The following NAPA variants were observed in gnomAD, a reference collection of about 807,000 sequenced individuals.
The protein encoded by NAPA is NSF attachment protein alpha, also known as alpha-soluble NSF attachment protein.
In NAPA, 18 loss-of-function variants were observed where a neutral mutation model predicts 48.0. The ratio of observed to expected loss-of-function variants is 0.38; its 90% CI spans 0.26 to 0.56. The LOEUF (loss-of-function observed/expected upper bound fraction) is 0.56. Among genes scored for constraint, NAPA ranks in the 20% least tolerant of loss-of-function variants. The pLI is 0.77. For synonymous variants in NAPA, 152 were observed against 149.9 expected, an observed-to-expected ratio of 1.01 and a Z score of -0.10; for missense variants, 315 against 385.0, an observed-to-expected ratio of 0.82 and a Z score of 1.52.
At chr19:47,513,963 C>T (rs1376801236) in intron 1 of NAPA, among the ~76,000 whole-genome samples, 1 of 150,842 alleles carries the variant, frequency 6.6e-6, no homozygotes, top group African/African-American at 2.4e-5. Context: ...ATTCTCCTGC[C>T]CCAGCCTCCC....
intron 1 of NAPA, among the ~76,000 whole-genome samples, chr19:47,503,997 C>T (rs2122766277): frequency 6.6e-6 from 1 of 152,284 alleles, no homozygotes; most frequent in Admixed American, 6.5e-5. Context: ...TGTGTCATTA[C>T]CAGCTCAGGA....
chr19:47,515,048 C>A lies in NAPA; in HGVS notation c.-108G>T. On this transcript the variant is annotated 5_prime_UTR_variant, in exon 1 of 11. Transcript: ENST00000263354. Reference sequence around the variant, plus strand: ...GGTAAAACTCGCCCGGCTGCGTTGACGTCGCACCGGCGCGCGTCGCTTGCG... The same window carrying A: ...GGTAAAACTCGCCCGGCTGCGTTGAAGTCGCACCGGCGCGCGTCGCTTGCG... 1.8e-6 allele frequency: 2 copies of A among 1,142,214 alleles called. No homozygotes were observed. Among genetic ancestry groups the A allele is most frequent in the Admixed American group, 2.4e-5 (1 of 40,950 alleles). The allele number at this position is 1,142,214 out of a possible 1,614,324, so 70.8% of individuals were successfully genotyped here. A position where few individuals can be genotyped will look rare whatever the true frequency, so the allele number is the denominator to read the frequency against.
Position 47,487,743 on chromosome 19 carries a change from G to C in NAPA, c.*545C>G, listed in dbSNP as rs1294335559. ...GGAGCAGGTGTGGGGCTGGGGTGGG[G>C]AGAATCCCCTAAGCTCCAGGGCCCA... On this transcript the variant is annotated 3_prime_UTR_variant, in exon 11 of 11. Coordinates refer to ENST00000263354, the MANE Select transcript of NAPA (RefSeq NM_003827.4). The C allele has an allele frequency of 6.6e-6, 1 of 152,230 alleles. No individual in the cohort carries two copies. The highest frequency in any genetic ancestry group is 1.5e-5 in the Non-Finnish European group (1 of 68,134). 9.4% of individuals were successfully genotyped at this position (152,230 alleles called of 1,614,324 possible).
At chr19:47,514,777 C>T in intron 1 of NAPA, 66 bp downstream of exon 1, 1 of 1,506,238 alleles carries the variant, frequency 6.6e-7, no homozygotes, top group Non-Finnish European at 9.1e-7. Context: ...TAACCCGCCA[C>T]CTCCGAGCGT....
intron 1 of NAPA, among the ~76,000 whole-genome samples, chr19:47,514,433 G>A (rs1031405782): frequency 6.6e-6 from 1 of 151,966 alleles, no homozygotes; most frequent in African/African-American, 2.4e-5. Flanking sequence ...CTAGAGCTCC[G>A]AAAAGCCTCT....
intron 2 of NAPA, 113 bp from the exon 3 acceptor site, chr19:47,500,862 C>T (rs1968560267): frequency 1.3e-6 from 1 of 758,034 alleles, no homozygotes; most frequent in African/African-American, 1.8e-5. Flanking sequence ...GGAAAGAGTC[C>T]CCAAGACAGG....
rs1273791127 is a variant in NAPA, at chr19:47,493,053, GGGA to G, written c.477-11_477-9del. ...AGACACTTGTTGGCTGAGCTGTGTG[GGGA>G]GGAGTAGTGAGGGGAAGTGGTGGCG... On this transcript the variant is annotated splice_polypyrimidine_tract_variant and intron_variant, in intron 6 of 10. Coordinates refer to ENST00000263354, the MANE Select transcript of NAPA (RefSeq NM_003827.4). This position sits in a 1 kb window ranked among gnomAD's most constrained non-coding sequence, Gnocchi z 6.4. 17 of 1,614,072 alleles carry G rather than the reference GGGA, an allele frequency of 1.1e-5. No individual in the cohort carries two copies. Among genetic ancestry groups the G allele is most frequent in the Non-Finnish European group, 1.4e-5 (16 of 1,180,030 alleles).
At chr19:47,513,460 C>T (rs1326329970) in intron 1 of NAPA, among the ~76,000 whole-genome samples, 1 of 152,208 alleles carries the variant, frequency 6.6e-6, no homozygotes, top group Non-Finnish European at 1.5e-5. Flanking sequence ...TTTGTGATCT[C>T]CTTTAGCAGG....
chr19:47,497,718 G>A (rs1270471841), intron 3 of NAPA, among the ~76,000 whole-genome samples: 9 of 152,248 alleles, frequency 5.9e-5, no homozygotes, highest in African/African-American at 1.9e-4. Flanking sequence ...TGACTTCTGC[G>A]TCTCTGAAGC....
chr19:47,491,866 G>T, intron 8 of NAPA, 149 bp downstream of exon 8: 1 of 702,914 alleles, frequency 1.4e-6, no homozygotes. Flanking sequence ...AAACACAGCT[G>T]TGAGAACCAC....
At chr19:47,514,212 AC>A (rs1968861375) in intron 1 of NAPA, among the ~76,000 whole-genome samples, 1 of 149,700 alleles carries the variant, frequency 6.7e-6, no homozygotes, top group African/African-American at 2.5e-5. Flanking sequence ...CACCCCATGC[AC>A]CCCCCACACT....
chr19:47,495,747 G>A, intron 3 of NAPA, 151 bp from the exon 4 acceptor site: 1 of 707,178 alleles, frequency 1.4e-6, no homozygotes, highest in Non-Finnish European at 2.5e-6. Context: ...ACTCTCAAGG[G>A]GCTGGGAAGA....
chr19:47,513,477 A>C (rs1968843219), intron 1 of NAPA, among the ~76,000 whole-genome samples: 1 of 152,238 alleles, frequency 6.6e-6, no homozygotes, highest in African/African-American at 2.4e-5. Flanking sequence ...CAGGGAGACT[A>C]AACAATTTAC....
At chr19:47,492,363 C>T (rs568551762) in intron 7 of NAPA, 8 of 511,030 alleles carry the variant, frequency 1.6e-5, no homozygotes, top group African/African-American at 1.1e-4. Flanking sequence ...GCCAGGTGTT[C>T]GTGGGCCTTC....
intron 1 of NAPA, among the ~76,000 whole-genome samples, chr19:47,505,052 C>T (rs541227724): frequency 5.1e-4 from 77 of 152,232 alleles, no homozygotes; most frequent in African/African-American, 1.7e-3. Flanking sequence ...ACCTCAAACC[C>T]GTAAGTCCCA....
chr19:47,490,364 G>GGT (rs959539150), intron 9 of NAPA, among the ~76,000 whole-genome samples: 1 of 147,166 alleles, frequency 6.8e-6, no homozygotes, highest in African/African-American at 2.5e-5. Flanking sequence ...TGCTGTGTGT[G>GGT]GTGTGTGTGT....
At chr19:47,486,050 G>C (rs1968065962), downstream of NAPA, among the ~76,000 whole-genome samples, 1 of 152,244 alleles carries the variant, frequency 6.6e-6, no homozygotes, top group Admixed American at 6.5e-5. Context: ...TGCCTATGAA[G>C]TTTTAACAAA....
At chr19:47,502,208 T>C (rs958191510) in intron 2 of NAPA, among the ~76,000 whole-genome samples, 1 of 111,620 alleles carries the variant, frequency 9.0e-6, no homozygotes, top group African/African-American at 3.6e-5. Context: ...GCCACTGCAC[T>C]CCAGCCTGGC....
At chr19:47,507,713 C>T (rs1344831429) in intron 1 of NAPA, among the ~76,000 whole-genome samples, 1 of 152,198 alleles carries the variant, frequency 6.6e-6, no homozygotes, top group Non-Finnish European at 1.5e-5. Context: ...AGACCATGTG[C>T]CTTAATCACG....
Sources: gnomAD v4.1 joint callset for allele counts (sites outside exome capture counted in the v4.1 genomes callset) on GRCh38, gnomAD v4.1.1 for gene constraint, Gnocchi (gnomAD v3.1) non-coding constraint, MANE v1.5 for transcripts, NCBI Gene and HGNC (gene_info 2026-07-23, HGNC 2026-07-21) for gene names.